Variants in LY9 observed in about 807,000 individuals in gnomAD.
LY9 encodes the protein T-lymphocyte surface antigen Ly-9.
In LY9, 59 loss-of-function variants were observed where a neutral mutation model predicts 64.6. That is an observed-to-expected ratio of 0.91 (90% CI 0.74 to 1.13). The LOEUF is 1.13. Among genes scored for constraint, LY9 ranks in the 50% most tolerant of loss-of-function variants. The pLI is 0.00. For synonymous variants in LY9, 281 were observed against 308.5 expected, an observed-to-expected ratio of 0.91 and a Z score of 0.93; for missense variants, 789 against 797.2, an observed-to-expected ratio of 0.99 and a Z score of 0.12.
intron 2 of LY9, among the ~76,000 whole-genome samples, chr1:160,802,909 G>A (rs1666639674): frequency 6.6e-6 from 1 of 152,148 alleles, no homozygotes; most frequent in Non-Finnish European, 1.5e-5. Flanking sequence ...CGAGTAATGT[G>A]ATGCCTCTAG....
At chr1:160,826,991 G>A (rs1557823360) in intron 9 of LY9, among the ~76,000 whole-genome samples, 1 of 152,170 alleles carries the variant, frequency 6.6e-6, no homozygotes, top group Non-Finnish European at 1.5e-5. Context: ...CCTGGAGACT[G>A]AGACCCCTGA....
At chr1:160,799,138 G>A (rs1287016226) in intron 1 of LY9, 1 of 152,698 alleles carries the variant, frequency 6.5e-6, no homozygotes, top group Non-Finnish European at 1.5e-5. Context: ...TGGACAATAA[G>A]GGTGAGGTAG....
intron 2 of LY9, chr1:160,813,110 C>T (rs1667647352): frequency 1.3e-5 from 2 of 158,604 alleles, no homozygotes; most frequent in African/African-American, 2.4e-5. Context: ...CTTAATGAAA[C>T]ATTCACACAT....
At chr1:160,816,214 T>G (rs1265606347) in intron 4 of LY9, among the ~76,000 whole-genome samples, 1 of 152,254 alleles carries the variant, frequency 6.6e-6, no homozygotes, top group Non-Finnish European at 1.5e-5. Flanking sequence ...TTATCTCATA[T>G]AAGTAAACAA....
chr1:160,816,906 G>C (rs1668004690), intron 5 of LY9, 43 bp downstream of exon 5: 3 of 1,601,530 alleles, frequency 1.9e-6, no homozygotes, highest in Non-Finnish European at 2.6e-6. Context: ...GGACCTTGGG[G>C]CCTCCAAGAG....
At chr1:160,804,265 T>C (rs549227987) in intron 2 of LY9, among the ~76,000 whole-genome samples, 1 of 152,342 alleles carries the variant, frequency 6.6e-6, no homozygotes, top group South Asian at 2.1e-4. Context: ...GTATATTCCT[T>C]CTATGCCTAG....
chr1:160,821,970 T>C (rs541859956), intron 7 of LY9, among the ~76,000 whole-genome samples: 26 of 152,338 alleles, frequency 1.7e-4, no homozygotes, highest in African/African-American at 6.0e-4. Context: ...CGGATAGTTA[T>C]TGTCTATGCT....
chr1:160,806,482 G>A (rs1430946287), intron 2 of LY9, among the ~76,000 whole-genome samples: 2 of 152,074 alleles, frequency 1.3e-5, no homozygotes, highest in African/African-American at 2.4e-5. Flanking sequence ...TCTGGGAAAC[G>A]CTATTTCTCC....
At chr1:160,799,661 A>T in intron 1 of LY9, 92 bp from the exon 2 acceptor site, 1 of 784,280 alleles carries the variant, frequency 1.3e-6, no homozygotes, top group South Asian at 1.7e-5. Context: ...AGCATCTGAC[A>T]TTTATGCCCA....
At chr1:160,800,242 T>G (rs1386142552) in intron 2 of LY9, 160 bp downstream of exon 2, 2 of 606,624 alleles carry the variant, frequency 3.3e-6, no homozygotes, top group African/African-American at 3.7e-5. Context: ...TCCTGTTAAG[T>G]ATAGTCACCC....
At chr1:160,801,843 C>G in intron 2 of LY9, 2 of 1,614,234 alleles carry the variant, frequency 1.2e-6, no homozygotes, top group Non-Finnish European at 1.7e-6. Flanking sequence ...CCACCGCACA[C>G]TCCTGGAGGG....
Position 160,813,860 on chromosome 1 carries a change from C to A in LY9, c.679C>A (p.Pro227Thr). ...GCCATACATCTGCACAGCCCAGAAC[C>A]CCGTCAGCCAGAGAAGCTCCCTCCC... ...DLPYICTAQN[P>T]VSQRSSLPVH... The change falls in exon 3 of 10, where the codon CCC becomes ACC. Residue 227 changes from proline (P) to threonine (T), a missense_variant. Coordinates refer to ENST00000263285, the MANE Select transcript of LY9 (RefSeq NM_002348.4). 6.2e-7 allele frequency: 1 copy of A among 1,614,150 alleles called. No homozygotes were observed. The highest frequency in any genetic ancestry group is 1.7e-5 in the Admixed American group (1 of 60,016).
At chr1:160,819,997 A>G (rs1449600247) in intron 7 of LY9, among the ~76,000 whole-genome samples, 2 of 152,248 alleles carry the variant, frequency 1.3e-5, no homozygotes, top group Non-Finnish European at 2.9e-5. Context: ...ACAAAAGCCA[A>G]GATAGACTCC....
chr1:160,827,899 C>A lies in LY9; in HGVS notation c.*83C>A. On this transcript the variant is annotated 3_prime_UTR_variant, in exon 10 of 10. Transcript: ENST00000263285. ...CCTCATGGGGCCTGGGGCTCACAGACAGAAGCACCTCAGAATTTCCTTCAG... is the reference window on the plus strand; with the variant it reads ...CCTCATGGGGCCTGGGGCTCACAGAAAGAAGCACCTCAGAATTTCCTTCAG... The A allele has an allele frequency of 9.7e-7, 1 of 1,032,192 alleles. No individual in the cohort carries two copies. Among genetic ancestry groups the A allele is most frequent in the Non-Finnish European group, 1.4e-6 (1 of 691,984 alleles). The allele number at this position is 1,032,192 out of a possible 1,614,324, so 63.9% of individuals were successfully genotyped here.
At chr1:160,806,194 C>A (rs1474133734) in intron 2 of LY9, among the ~76,000 whole-genome samples, 2 of 152,012 alleles carry the variant, frequency 1.3e-5, no homozygotes, top group Non-Finnish European at 2.9e-5. Flanking sequence ...ATATGTGAAG[C>A]TTTTTCCTGT....
At chr1:160,801,508 C>G (rs1666477174) in intron 2 of LY9, among the ~76,000 whole-genome samples, 1 of 152,150 alleles carries the variant, frequency 6.6e-6, no homozygotes, top group South Asian at 2.1e-4. Flanking sequence ...AACTCGTTGT[C>G]TCTTCACTCT....
Position 160,800,043 on chromosome 1 carries a change from G to T in LY9, c.415G>T (p.Glu139Ter), listed in dbSNP as rs776371414. 5 of 1,614,170 alleles carry T rather than the reference G, an allele frequency of 3.1e-6. No individual in the cohort carries two copies. Among genetic ancestry groups the T allele is most frequent in the Non-Finnish European group, 4.2e-6 (5 of 1,179,996 alleles). Reference sequence around the variant, plus strand: ...AGCCCAGATAAACCAAAGGAATTTTGAAGTCACCACTGAGGAGGAATTCAC... The same window carrying T: ...AGCCCAGATAAACCAAAGGAATTTTTAAGTCACCACTGAGGAGGAATTCAC... ...YKAQINQRNF[E>*]VTTEEEFTLF... The change falls in exon 2 of 10, where the codon GAA becomes TAA. Residue 139 changes from glutamate (E) to a stop codon, truncating the protein, a stop_gained. Transcript: ENST00000263285. LOFTEE classifies it high-confidence loss of function.
intron 7 of LY9, among the ~76,000 whole-genome samples, chr1:160,822,194 GAAGAA>G (rs1296552450): frequency 6.6e-6 from 1 of 152,036 alleles, no homozygotes; most frequent in Non-Finnish European, 1.5e-5. Flanking sequence ...TCAATAAGTA[GAAGAA>G]AAGAAAAAGA....
chr1:160,798,266 T>C (rs1666090067), intron 1 of LY9, among the ~76,000 whole-genome samples: 1 of 152,108 alleles, frequency 6.6e-6, no homozygotes, highest in Non-Finnish European at 1.5e-5. Flanking sequence ...AGGATACAGA[T>C]GGGCAGTACT....
Sources: allele counts gnomAD v4.1 joint callset (sites outside exome capture counted in the v4.1 genomes callset), GRCh38; gene constraint gnomAD v4.1.1; transcripts MANE v1.5; gene names NCBI Gene and HGNC (gene_info 2026-07-23, HGNC 2026-07-21).